Variants in MAD1L1 observed in about 807,000 individuals in gnomAD.
MAD1L1 encodes the protein mitotic arrest deficient 1 like 1.
A neutral mutation model predicts 96.9 loss-of-function variants in MAD1L1; 95 were observed. The observed-to-expected ratio is 0.98, with a 90% CI of 0.83 to 1.16. The LOEUF (loss-of-function observed/expected upper bound fraction) is 1.16. Ranked by LOEUF, MAD1L1 falls within the 50% of genes most tolerant of loss-of-function variation. The pLI, the probability that MAD1L1 is intolerant of heterozygous loss-of-function variation, is 0.00. For missense variants in MAD1L1, 1,007 were observed against 954.4 expected (o/e 1.06, Z -0.73); for synonymous variants, 473 against 396.6 (o/e 1.19, Z -2.29).
At chr7:1,877,955 A>G (rs115517597) in intron 18 of MAD1L1, among the ~76,000 whole-genome samples, 1,968 of 152,326 alleles carry the variant, frequency 0.013, 37 homozygotes, top group African/African-American at 0.045. Flanking sequence ...TGATGACGAA[A>G]AAAGAGATGA....
At chr7:2,200,003 C>T (rs1316944485) in intron 10 of MAD1L1, among the ~76,000 whole-genome samples, 2 of 152,214 alleles carry the variant, frequency 1.3e-5, no homozygotes, top group African/African-American at 4.8e-5. Flanking sequence ...CACAAAGGCC[C>T]GAGGGCAAGG....
At chr7:2,030,902 T>A (rs573908490) in intron 12 of MAD1L1, among the ~76,000 whole-genome samples, 2 of 152,188 alleles carry the variant, frequency 1.3e-5, no homozygotes, top group African/African-American at 4.8e-5. Context: ...TTGTTCCCAT[T>A]CCATCCTCTC....
chr7:2,103,853 T>C lies in MAD1L1; in HGVS notation c.1074-34515A>G, dbSNP rs991040686. Among the ~76,000 whole-genome samples the C allele has an allele frequency of 6.6e-6, 1 of 151,484 alleles. No individual in the cohort carries two copies. Among genetic ancestry groups the C allele is most frequent in the Admixed American group, 6.6e-5 (1 of 15,218 alleles). On this transcript the variant is annotated intron_variant, in intron 11 of 18. Coordinates refer to ENST00000265854, the MANE Select transcript of MAD1L1 (RefSeq NM_001013836.2). This position sits in a 1 kb window ranked among gnomAD's most constrained non-coding sequence, Gnocchi z 4.3. ...TGGTGTCCGGACTCTGGAGATGGGG[T>C]GGGAAAAGGCAAGGAATGCGGGGAG...
intron 18 of MAD1L1, among the ~76,000 whole-genome samples, chr7:1,886,579 CTG>C (rs757070335): frequency 1.5e-4 from 23 of 152,252 alleles, no homozygotes; most frequent in Non-Finnish European, 2.1e-4. Context: ...GCACACCACA[CTG>C]TGTCTGCAAA....
chr7:2,203,545 T>C (rs531706476), intron 10 of MAD1L1, among the ~76,000 whole-genome samples: 5 of 152,276 alleles, frequency 3.3e-5, no homozygotes, highest in African/African-American at 9.6e-5. Flanking sequence ...GCATGGCTAA[T>C]TGGGGAAAGA....
intron 16 of MAD1L1, among the ~76,000 whole-genome samples, chr7:1,938,986 GGC>G: frequency 8.4e-6 from 1 of 118,840 alleles, no homozygotes; most frequent in Middle Eastern, 7.9e-3. Context: ...CGGGACCAGA[GGC>G]GCACACACAC....
intron 18 of MAD1L1, chr7:1,829,804 A>G (rs1381128470): frequency 1.3e-5 from 2 of 152,152 alleles, no homozygotes; most frequent in Non-Finnish European, 2.9e-5. Context: ...CCAGTAGTAC[A>G]GATGAAATCT....
intron 12 of MAD1L1, among the ~76,000 whole-genome samples, chr7:2,034,062 T>C (rs1193271452): frequency 1.3e-5 from 2 of 152,110 alleles, no homozygotes; most frequent in Admixed American, 6.5e-5. Context: ...CGCCACCACA[T>C]TGCAGCCTGG....
At chr7:1,955,136 A>T (rs1032259756) in intron 16 of MAD1L1, among the ~76,000 whole-genome samples, 6 of 152,242 alleles carry the variant, frequency 3.9e-5, no homozygotes, top group African/African-American at 1.4e-4. Flanking sequence ...AACTAATTAC[A>T]AAAAGTTCTA....
At position 1,898,239 on chromosome 7, in the gene MAD1L1, C is replaced by A. The variant is rs61736815; in HGVS notation, c.1959G>T (p.Ser653=). 2 of 1,613,648 alleles carry A rather than the reference C, an allele frequency of 1.2e-6. No homozygotes were observed. The highest frequency in any genetic ancestry group is 1.3e-5 in the African/African-American group (1 of 74,902). Residue 653 remains serine (S), a synonymous_variant, in exon 18 of 19, where the codon TCG becomes TCT. Coordinates refer to ENST00000265854, the MANE Select transcript of MAD1L1 (RefSeq NM_001013836.2). ...ITTENQYRLT[S]LYAEHPGDCL... is the part of the protein sequence containing the mutation. ...AGTCGCCTGGGTGCTCGGCGTACAG[C>A]GAGGTCAGCCGGTACTGGTTCTCCG...
chr7:2,000,391 G>C (rs1281977563), intron 14 of MAD1L1, among the ~76,000 whole-genome samples: 1 of 152,148 alleles, frequency 6.6e-6, no homozygotes, highest in Non-Finnish European at 1.5e-5. Flanking sequence ...ATGGACACCA[G>C]GTTGTGTCAC....
chr7:2,008,209 C>T (rs776638410), intron 13 of MAD1L1, among the ~76,000 whole-genome samples: 1 of 152,204 alleles, frequency 6.6e-6, no homozygotes, highest in Non-Finnish European at 1.5e-5. Flanking sequence ...GGAGCTGGCA[C>T]AGCCCGTGTG....
chr7:1,978,608 C>G (rs973041939), intron 15 of MAD1L1, among the ~76,000 whole-genome samples: 6 of 152,164 alleles, frequency 3.9e-5, no homozygotes, highest in African/African-American at 1.4e-4. Context: ...CAGCTTCCCC[C>G]ACCCCACACC....
intron 11 of MAD1L1, among the ~76,000 whole-genome samples, chr7:2,099,850 A>C (rs1786688348): frequency 6.6e-6 from 1 of 152,172 alleles, no homozygotes; most frequent in Non-Finnish European, 1.5e-5. Context: ...GACTGTGAGG[A>C]GTCACCTCCC....
chr7:2,164,443 G>C (rs1244951291), intron 10 of MAD1L1, among the ~76,000 whole-genome samples: 1 of 152,180 alleles, frequency 6.6e-6, no homozygotes, highest in African/African-American at 2.4e-5. Flanking sequence ...GAAAACCCTG[G>C]ACCCCTGTGA....
chr7:2,171,986 C>T (rs766673867), intron 10 of MAD1L1, among the ~76,000 whole-genome samples: 6 of 152,174 alleles, frequency 3.9e-5, no homozygotes, highest in Non-Finnish European at 5.9e-5. Flanking sequence ...GAAGAGCACA[C>T]GGCAATGCAA....
intron 10 of MAD1L1, among the ~76,000 whole-genome samples, chr7:2,159,082 A>G (rs943183018): frequency 6.6e-6 from 1 of 152,200 alleles, no homozygotes; most frequent in Non-Finnish European, 1.5e-5. Context: ...TACCCCATGG[A>G]AAGGGACCCA....
At position 1,969,969 on chromosome 7, in the gene MAD1L1, G is replaced by A. The variant is rs546417583; in HGVS notation, c.1505+10484C>T. Reference sequence around the variant, plus strand: ...ACCCCCTGAAAAAGAACCACCACCAGGGAGACTCATAGCTCCTGACCTCAA... The same window carrying A: ...ACCCCCTGAAAAAGAACCACCACCAAGGAGACTCATAGCTCCTGACCTCAA... On this transcript the variant is annotated intron_variant, in intron 15 of 18. Transcript: ENST00000265854. 2.0e-5 allele frequency among the ~76,000 whole-genome samples: 3 copies of A among 152,308 alleles called. 1 individual carries two copies. The South Asian group carries it at 6.2e-4, about 32-fold the overall frequency.
intron 16 of MAD1L1, among the ~76,000 whole-genome samples, chr7:1,953,831 C>T: frequency 6.6e-6 from 1 of 152,372 alleles, no homozygotes; most frequent in South Asian, 2.1e-4. Flanking sequence ...TGCTGGGTGA[C>T]ACGGGGGCCC....
Sources: allele counts gnomAD v4.1 joint callset (sites outside exome capture counted in the v4.1 genomes callset), GRCh38; gene constraint gnomAD v4.1.1; non-coding constraint Gnocchi (gnomAD v3.1); transcripts MANE v1.5; gene names NCBI Gene and HGNC (gene_info 2026-07-23, HGNC 2026-07-21).